The following ODAD2 variants were observed in gnomAD, a reference collection of about 807,000 sequenced individuals.
The protein encoded by ODAD2 is outer dynein arm-docking complex subunit 2.
ODAD2 carries 89 observed loss-of-function variants against 106.8 expected under a neutral mutation model. That is an observed-to-expected ratio of 0.83 (90% CI 0.70 to 0.99). The LOEUF (loss-of-function observed/expected upper bound fraction) is 0.99. Ranked by LOEUF, ODAD2 falls within the 50% of genes least tolerant of loss-of-function variation. The pLI is 0.00. For synonymous variants in ODAD2, 404 were observed against 436.2 expected (o/e 0.93, Z 0.92); for missense variants, 1,168 against 1,238.5 (o/e 0.94, Z 0.85).
rs56059926 is a variant in ODAD2, at chr10:27,943,795, C to CAAAAA, written c.1743+422_1743+426dup. Among the ~76,000 whole-genome samples, 336 of 58,634 alleles carry CAAAAA rather than the reference C, an allele frequency of 5.7e-3. 30 individuals are homozygous for CAAAAA. Among genetic ancestry groups the CAAAAA allele is most frequent in the African/African-American group, 6.9e-3 (89 of 12,930 alleles). 38.5% of individuals were successfully genotyped at this position (58,634 alleles called of 152,430 possible). A position where few individuals can be genotyped will look rare whatever the true frequency, so the allele number is the denominator to read the frequency against. ...GAGCCACAGAAGTGAGGCTCTGTCT[C>CAAAAA]AAAAAAAAAAAAAAAAAAAAAAAAA... On this transcript the variant is annotated intron_variant, in intron 12 of 19. Coordinates refer to ENST00000305242, the MANE Select transcript of ODAD2 (RefSeq NM_018076.5).
At chr10:27,886,596 T>C (rs540179295) in intron 17 of ODAD2, among the ~76,000 whole-genome samples, 1 of 152,122 alleles carries the variant, frequency 6.6e-6, no homozygotes, top group Admixed American at 6.6e-5. Flanking sequence ...TAAAAATAAA[T>C]AGATGAACAA....
intron 19 of ODAD2, among the ~76,000 whole-genome samples, chr10:27,821,065 C>A (rs753005082): frequency 6.6e-6 from 1 of 152,198 alleles, no homozygotes; most frequent in Non-Finnish European, 1.5e-5. Flanking sequence ...TAGGCGTGAG[C>A]CACCGTGCCC....
In ODAD2 at chr10:27,885,794, A is replaced by AAATATATATTATATAT. The variant is rs1842156338; in HGVS notation, c.2610+21868_2610+21869insATATATAATATATATT. Among the ~76,000 whole-genome samples, 19 of 54,032 alleles carry AAATATATATTATATAT rather than the reference A, an allele frequency of 3.5e-4. No individual in the cohort carries two copies. The East Asian group carries it at 8.2e-3, about 23-fold the overall frequency. 35.4% of individuals were successfully genotyped at this position (54,032 alleles called of 152,430 possible). A position where few individuals can be genotyped will look rare whatever the true frequency, so the allele number is the denominator to read the frequency against. ...TTATATAAAATATATATTATATATA[A>AAATATATATTATATAT]TATATATAAAATATATATTATATAT... On this transcript the variant is annotated intron_variant, in intron 17 of 19. Transcript: ENST00000305242.
In ODAD2 at chr10:27,856,735, G is replaced by T. The variant is rs369667087; in HGVS notation, c.3021+3890C>A. 9.2e-5 allele frequency among the ~76,000 whole-genome samples: 14 copies of T among 152,226 alleles called. No homozygotes were observed. The East Asian group carries it at 2.5e-3, about 27-fold the overall frequency. ...TTGAAGACTTGGGTACAAAGGCCGA[G>T]GTGGGTGGATCACCTGAGGTCAGGA... On this transcript the variant is annotated intron_variant, in intron 19 of 19. Transcript: ENST00000305242.
chr10:27,838,802 T>C (rs773372607), intron 19 of ODAD2, among the ~76,000 whole-genome samples: 3 of 152,224 alleles, frequency 2.0e-5, no homozygotes, highest in Non-Finnish European at 2.9e-5. Context: ...CTCTCTTTTT[T>C]AGAAGGCAAT....
At chr10:27,859,408 G>A (rs1839887044) in intron 19 of ODAD2, among the ~76,000 whole-genome samples, 2 of 151,916 alleles carry the variant, frequency 1.3e-5, no homozygotes, top group African/African-American at 4.8e-5. Flanking sequence ...TTCTTCTACT[G>A]GAATAGATTT....
At chr10:27,949,774 A>T (rs989403954) in intron 10 of ODAD2, among the ~76,000 whole-genome samples, 17 of 152,152 alleles carry the variant, frequency 1.1e-4, no homozygotes, top group African/African-American at 4.1e-4. Context: ...GCGTGGATGG[A>T]TGCAGTCAGG....
intron 19 of ODAD2, among the ~76,000 whole-genome samples, chr10:27,814,102 A>G (rs771089875): frequency 6.6e-6 from 1 of 152,212 alleles, no homozygotes; most frequent in African/African-American, 2.4e-5. Context: ...AATTAGGCTC[A>G]CAGACAATTT....
chr10:27,836,489 T>C (rs1837900213), intron 19 of ODAD2, among the ~76,000 whole-genome samples: 1 of 152,256 alleles, frequency 6.6e-6, no homozygotes, highest in African/African-American at 2.4e-5. Flanking sequence ...TACTAATATG[T>C]AAACATATCT....
intron 2 of ODAD2, among the ~76,000 whole-genome samples, chr10:27,990,962 A>G (rs548422064): frequency 6.6e-6 from 1 of 152,228 alleles, no homozygotes; most frequent in East Asian, 1.9e-4. Flanking sequence ...CCAGAGAAGG[A>G]AAAAAAATCA....
intron 16 of ODAD2, among the ~76,000 whole-genome samples, chr10:27,916,151 A>G (rs1844359561): frequency 6.6e-6 from 1 of 152,106 alleles, no homozygotes; most frequent in Admixed American, 6.6e-5. Flanking sequence ...GGGGACAGAG[A>G]CTGAAAAGTG....
intron 9 of ODAD2, among the ~76,000 whole-genome samples, chr10:27,964,743 C>G (rs556574738): frequency 6.6e-6 from 1 of 152,246 alleles, no homozygotes; most frequent in East Asian, 1.9e-4. Flanking sequence ...AGCTCAGTAC[C>G]TTGTCCACTT....
intron 17 of ODAD2, among the ~76,000 whole-genome samples, chr10:27,872,636 CT>C (rs1322282006): frequency 6.6e-6 from 1 of 152,134 alleles, no homozygotes; most frequent in African/African-American, 2.4e-5. Context: ...GTCTTTGGTT[CT>C]GTTTATATGC....
At chr10:27,843,239 A>C (rs181253258) in intron 19 of ODAD2, among the ~76,000 whole-genome samples, 23 of 152,376 alleles carry the variant, frequency 1.5e-4, no homozygotes, top group African/African-American at 4.6e-4. Flanking sequence ...CTTAAAATAA[A>C]AACAGCCTAT....
intron 7 of ODAD2, among the ~76,000 whole-genome samples, chr10:27,973,433 T>G (rs1588640447): frequency 6.6e-6 from 1 of 152,248 alleles, no homozygotes; most frequent in East Asian, 1.9e-4. Flanking sequence ...ATTTCATCAT[T>G]CAGGTACTAA....
chr10:27,939,516 G>A (rs932529846), intron 14 of ODAD2, among the ~76,000 whole-genome samples: 1 of 152,102 alleles, frequency 6.6e-6, no homozygotes, highest in African/African-American at 2.4e-5. Context: ...AGGGGTTTGA[G>A]ACCAGCCTGG....
chr10:27,990,091 T>C (rs1365508152), intron 2 of ODAD2, among the ~76,000 whole-genome samples: 1 of 152,158 alleles, frequency 6.6e-6, no homozygotes, highest in Non-Finnish European at 1.5e-5. Flanking sequence ...CTGTTTATAC[T>C]CTAAAGCAAG....
chr10:27,840,930 A>C (rs1838262698), intron 19 of ODAD2, among the ~76,000 whole-genome samples: 1 of 152,222 alleles, frequency 6.6e-6, no homozygotes. Context: ...CCAGTCTTTA[A>C]AATGGGAGAG....
intron 8 of ODAD2, among the ~76,000 whole-genome samples, chr10:27,970,101 AAAATAAAT>A (rs57804974): frequency 0.073 from 9,747 of 133,322 alleles, 575 homozygotes; most frequent in African/African-American, 0.15. Flanking sequence ...TCTGTCTCAA[AAAATAAAT>A]AAATAAATAA....
Sources: allele counts gnomAD v4.1 joint callset (sites outside exome capture counted in the v4.1 genomes callset), GRCh38; gene constraint gnomAD v4.1.1; transcripts MANE v1.5; gene names NCBI Gene and HGNC (gene_info 2026-07-23, HGNC 2026-07-21).